Variants in LRRTM4 observed in about 807,000 individuals in gnomAD.
LRRTM4 encodes leucine-rich repeat transmembrane neuronal protein 4.
A neutral mutation model predicts 47.6 loss-of-function variants in LRRTM4; 25 were observed. That is an observed-to-expected ratio of 0.53 (90% confidence interval 0.38 to 0.73). The LOEUF (loss-of-function observed/expected upper bound fraction) is 0.73, where lower values mean the gene tolerates loss of function less well. LRRTM4 is among the 30% of genes least tolerant of loss of function. The pLI is 0.00. For synonymous variants in LRRTM4, 311 were observed against 269.5 expected (o/e 1.15, Z -1.51); for missense variants, 638 against 713.4 (o/e 0.89, Z 1.20).
chr2:76,787,903 G>C (rs1186458131), intron 3 of LRRTM4, among the ~76,000 whole-genome samples: 1 of 151,954 alleles, frequency 6.6e-6, no homozygotes, highest in Non-Finnish European at 1.5e-5. Flanking sequence ...TATCTGCCTG[G>C]CACCCTCATT....
At position 77,044,048 on chromosome 2, in the gene LRRTM4, C is replaced by T. The variant is rs192649478; in HGVS notation, c.1552-295132G>A. The stretch of plus-strand genomic sequence containing the variant: ...CTTCATTTCTGTTTGTTTTCTTCCT[C>T]ATTTTCTTCCAAATAAAAATAAATA... On this transcript the variant is annotated intron_variant, in intron 3 of 3. Transcript: ENST00000409884. Among the ~76,000 whole-genome samples the T allele has an allele frequency of 1.8e-4, 27 of 151,610 alleles. No individual in the cohort carries two copies. The East Asian group carries it at 4.9e-3, about 27-fold the overall frequency.
At chr2:76,832,679 T>A (rs960768984) in intron 3 of LRRTM4, among the ~76,000 whole-genome samples, 1 of 152,102 alleles carries the variant, frequency 6.6e-6, no homozygotes, top group African/African-American at 2.4e-5. Flanking sequence ...CTGATTTCCA[T>A]AACTTGTCAT....
chr2:76,861,237 A>G (rs1185896718), intron 3 of LRRTM4, among the ~76,000 whole-genome samples: 1 of 152,154 alleles, frequency 6.6e-6, no homozygotes, highest in East Asian at 1.9e-4. Context: ...TATGTTCTTT[A>G]TATTCATTCT....
intron 3 of LRRTM4, among the ~76,000 whole-genome samples, chr2:77,268,035 T>G (rs1676095089): frequency 6.6e-6 from 1 of 152,266 alleles, no homozygotes; most frequent in South Asian, 2.1e-4. Context: ...TTTCATAAAT[T>G]TATACTTATG....
At chr2:77,167,863 A>T (rs1282697014) in intron 3 of LRRTM4, among the ~76,000 whole-genome samples, 1 of 152,126 alleles carries the variant, frequency 6.6e-6, no homozygotes, top group South Asian at 2.1e-4. Flanking sequence ...TGACAAGTTA[A>T]TGGGTGCACC....
intron 3 of LRRTM4, among the ~76,000 whole-genome samples, chr2:77,373,472 C>T (rs1338263765): frequency 1.3e-5 from 2 of 151,676 alleles, no homozygotes; most frequent in Admixed American, 6.6e-5. Context: ...ACTGGTGCTA[C>T]ATTTTAAGGT....
At chr2:77,222,967 T>C (rs988512865) in intron 3 of LRRTM4, among the ~76,000 whole-genome samples, 2 of 152,112 alleles carry the variant, frequency 1.3e-5, no homozygotes, top group African/African-American at 4.8e-5. Context: ...AATAAAATAC[T>C]GGCAAACTGA....
intron 3 of LRRTM4, among the ~76,000 whole-genome samples, chr2:76,934,947 C>G (rs1010567128): frequency 1.9e-4 from 28 of 148,504 alleles, no homozygotes; most frequent in Admixed American, 5.3e-4. Flanking sequence ...ATTTTCTTTC[C>G]CAATTCCATA....
intron 3 of LRRTM4, among the ~76,000 whole-genome samples, chr2:77,108,423 C>G (rs1316551102): frequency 6.6e-6 from 1 of 151,758 alleles, no homozygotes; most frequent in African/African-American, 2.4e-5. Flanking sequence ...ATAATATGGA[C>G]AGTGTTTTAT....
At chr2:77,468,582 A>T (rs1677069706) in intron 3 of LRRTM4, among the ~76,000 whole-genome samples, 1 of 152,182 alleles carries the variant, frequency 6.6e-6, no homozygotes, top group African/African-American at 2.4e-5. Flanking sequence ...CAGACATGTC[A>T]AGGGGCAGTC....
At chr2:76,991,260 C>A (rs939301560) in intron 3 of LRRTM4, among the ~76,000 whole-genome samples, 5 of 151,460 alleles carry the variant, frequency 3.3e-5, no homozygotes, top group Admixed American at 2.6e-4. Context: ...ATAAATTAAC[C>A]CCAAAGCTAA....
intron 3 of LRRTM4, among the ~76,000 whole-genome samples, chr2:76,917,552 C>T (rs1020155329): frequency 5.9e-5 from 9 of 152,078 alleles, no homozygotes; most frequent in African/African-American, 9.7e-5. Context: ...GTGCGTATAT[C>T]ACCATTTTCT....
chr2:76,909,539 C>T (rs1483237289), intron 3 of LRRTM4, among the ~76,000 whole-genome samples: 1 of 151,948 alleles, frequency 6.6e-6, no homozygotes, highest in Non-Finnish European at 1.5e-5. Flanking sequence ...AAAGAAACTA[C>T]CATCAGAGTG....
chr2:77,310,775 C>G (rs957449403), intron 3 of LRRTM4, among the ~76,000 whole-genome samples: 2 of 152,080 alleles, frequency 1.3e-5, no homozygotes, highest in Admixed American at 1.3e-4. Flanking sequence ...GTACAGACTA[C>G]CATGATTTTT....
chr2:77,107,319 C>G (rs1320584020), intron 3 of LRRTM4, among the ~76,000 whole-genome samples: 1 of 151,942 alleles, frequency 6.6e-6, no homozygotes. Context: ...AAAAAATATG[C>G]TTGATTAAAT....
At chr2:76,778,814 G>T (rs1379871898) in intron 3 of LRRTM4, among the ~76,000 whole-genome samples, 2 of 150,704 alleles carry the variant, frequency 1.3e-5, no homozygotes, top group African/African-American at 4.9e-5. Flanking sequence ...TTTTGAATGT[G>T]TTTGCTCTTG....
At chr2:77,202,705 A>C (rs1674011673) in intron 3 of LRRTM4, among the ~76,000 whole-genome samples, 1 of 151,766 alleles carries the variant, frequency 6.6e-6, no homozygotes, top group Admixed American at 6.6e-5. Context: ...TTTTTGTATA[A>C]GCTAAAGGTC....
chr2:77,361,878 G>A (rs1187751902), intron 3 of LRRTM4, among the ~76,000 whole-genome samples: 3 of 152,028 alleles, frequency 2.0e-5, no homozygotes, highest in African/African-American at 7.2e-5. Context: ...GAGGCCAGGA[G>A]TTCAAGACCA....
intron 3 of LRRTM4, among the ~76,000 whole-genome samples, chr2:76,836,372 T>C (rs868097846): frequency 6.6e-6 from 1 of 151,930 alleles, no homozygotes; most frequent in Non-Finnish European, 1.5e-5. Context: ...TCAACACATA[T>C]TATCTTTCTT....
Sources: allele counts gnomAD v4.1 joint callset (sites outside exome capture counted in the v4.1 genomes callset), GRCh38; gene constraint gnomAD v4.1.1; transcripts MANE v1.5; gene names NCBI Gene and HGNC (gene_info 2026-07-23, HGNC 2026-07-21).